The following ANO7 variants were observed in gnomAD, a reference collection of about 807,000 sequenced individuals.
ANO7 encodes the protein anoctamin-7.
In ANO7, 114 loss-of-function variants were observed where a neutral mutation model predicts 115.8. The ratio of observed to expected loss-of-function variants is 0.98; its 90% confidence interval spans 0.85 to 1.15. The LOEUF is 1.15. Among genes scored for constraint, ANO7 ranks in the 50% most tolerant of loss-of-function variants. The pLI is 0.00. For synonymous variants in ANO7, 550 were observed against 498.2 expected, an observed-to-expected ratio of 1.10 and a Z score of -1.38; for missense variants, 1,302 against 1,201.2, an observed-to-expected ratio of 1.08 and a Z score of -1.24.
Position 241,190,670 on chromosome 2 carries a change from C to G in ANO7, c.108+499C>G, listed in dbSNP as rs966030473. ...CTCCTGGGCCACACGTCTGCCCCAG[C>G]AGCCTGCGGGTGGACACGGGACCCC... On this transcript the variant is annotated intron_variant, in intron 2 of 24. Transcript: ENST00000674324. Among the ~76,000 whole-genome samples the G allele has an allele frequency of 1.8e-4, 27 of 152,334 alleles. 1 individual carries two copies. The highest frequency in any genetic ancestry group is 5.8e-4 in the African/African-American group (24 of 41,582).
chr2:241,191,175 C>T lies in ANO7; in HGVS notation c.109-19C>T, dbSNP rs770514472. 6.8e-6 allele frequency: 11 copies of T among 1,613,804 alleles called. No homozygotes were observed. The South Asian group carries it at 1.2e-4, about 18-fold the overall frequency. On this transcript the variant is annotated intron_variant, in intron 2 of 24. Coordinates refer to ENST00000674324, the MANE Select transcript of ANO7 (RefSeq NM_001370694.2). ...AGATGCTGATGCTGATATGCTTCTCCATCCTCCATGCCTTCCAGCCAGGTG... is the reference window on the plus strand; with the variant it reads ...AGATGCTGATGCTGATATGCTTCTCTATCCTCCATGCCTTCCAGCCAGGTG...
chr2:241,215,954 G>A, intron 18 of ANO7, 139 bp from the exon 19 acceptor site: 1 of 1,086,318 alleles, frequency 9.2e-7, no homozygotes, highest in South Asian at 1.5e-5. Flanking sequence ...CCACCCCTCA[G>A]CCCCAGACCC....
intron 18 of ANO7, among the ~76,000 whole-genome samples, chr2:241,215,846 C>G (rs1447123231): frequency 6.6e-6 from 1 of 152,150 alleles, no homozygotes; most frequent in Non-Finnish European, 1.5e-5. Flanking sequence ...AGGAACAATG[C>G]GGGGGGCTGG....
chr2:241,218,341 G>C lies in ANO7; in HGVS notation c.2281G>C (p.Ala761Pro), dbSNP rs746364805. 6.7e-7 allele frequency: 1 copy of C among 1,492,718 alleles called. No homozygotes were observed. The allele number at this position is 1,492,718 out of a possible 1,614,324, so 92.5% of individuals were successfully genotyped here. The change falls in exon 21 of 25, where the codon GCC (alanine) becomes CCC (proline). Residue 761 changes from alanine (A) to proline (P), a missense_variant. Coordinates refer to ENST00000674324, the MANE Select transcript of ANO7 (RefSeq NM_001370694.2). ...CTTCCTCAACTTCACGCTGGCGCGA[G>C]CCCCGTCCTCCTTCGCCGCCGCGCA... ...RGFLNFTLARAPSSFAAAHNR... is the reference protein window; with the variant it reads ...RGFLNFTLARPPSSFAAAHNR...
intron 4 of ANO7, among the ~76,000 whole-genome samples, chr2:241,196,510 C>T (rs1400206931): frequency 6.6e-6 from 1 of 152,270 alleles, no homozygotes; most frequent in East Asian, 1.9e-4. Context: ...GTCACCTGTC[C>T]TCTCCCTCTC....
At position 241,217,869 on chromosome 2, in the gene ANO7, C is replaced by G. The variant is rs1374993216; in HGVS notation, c.2156C>G (p.Thr719Arg). Residue 719 changes from threonine to arginine, a missense_variant, in exon 20 of 25, where the codon ACG becomes AGG. Transcript: ENST00000674324. ...GIWFHILAGL[T>R]HLAVISNAFL... ...TGGTTCCACATCCTGGCGGGCCTCA[C>G]GCACCTGGCGGTCATCAGCAACGTG... The G allele has an allele frequency of 2.5e-6, 4 of 1,595,432 alleles. No homozygotes were observed. Among genetic ancestry groups the G allele is most frequent in the East Asian group, 4.5e-5 (2 of 44,338 alleles).
intron 21 of ANO7, among the ~76,000 whole-genome samples, chr2:241,219,058 G>A (rs2068945991): frequency 6.6e-6 from 1 of 152,202 alleles, no homozygotes; most frequent in South Asian, 2.1e-4. Flanking sequence ...TATAAACTAG[G>A]GAAAAGGGGA....
intron 21 of ANO7, 21 bp from the exon 22 acceptor site, chr2:241,223,163 ACT>A: frequency 1.9e-6 from 3 of 1,609,512 alleles, no homozygotes; most frequent in Non-Finnish European, 2.6e-6. Flanking sequence ...GGCTGCGCGC[ACT>A]GAGTCCTGTG....
chr2:241,193,409 C>G (rs1156430485), intron 3 of ANO7, among the ~76,000 whole-genome samples: 2 of 152,044 alleles, frequency 1.3e-5, no homozygotes, highest in South Asian at 2.1e-4. Context: ...CTTATTTTCT[C>G]AAAATCCTCC....
At chr2:241,214,958 C>T in intron 18 of ANO7, 56 bp downstream of exon 18, 1 of 1,515,996 alleles carries the variant, frequency 6.6e-7, no homozygotes, top group African/African-American at 1.4e-5. Flanking sequence ...CCCCAGAGCA[C>T]CTGGCAGTAG....
In ANO7 at chr2:241,203,221, C is replaced by T; in HGVS notation, c.724-112C>T. 2.3e-6 allele frequency: 2 copies of T among 866,800 alleles called. No individual in the cohort carries two copies. The highest frequency in any genetic ancestry group is 3.3e-6 in the Non-Finnish European group (2 of 598,962). The allele number at this position is 866,800 out of a possible 1,614,324, so 53.7% of individuals were successfully genotyped here. ...TCTATTTTTTCTTCATGGAGCAATC[C>T]CAGACTCCCAGGCCTGTCTGCCCAT... On this transcript the variant is annotated intron_variant, in intron 8 of 24. Coordinates refer to ENST00000674324, the MANE Select transcript of ANO7 (RefSeq NM_001370694.2). This position sits in a 1 kb window ranked among gnomAD's most constrained non-coding sequence, Gnocchi z 4.8.
intron 18 of ANO7, 128 bp downstream of exon 18, chr2:241,215,030 G>A (rs1178390989): frequency 1.2e-6 from 1 of 852,714 alleles, no homozygotes; most frequent in Non-Finnish European, 1.8e-6. Context: ...GCCTGGGGAG[G>A]GGGAGGGGGA....
chr2:241,201,354 T>A lies in ANO7; in HGVS notation c.611T>A (p.Ile204Asn). ...TTCACAAGCACCAAGAGGCACCAAA[T>A]TGTGAGTGGGGGTTCCCTGCCGCGG... Reference protein sequence around the residue: ...TFFTSTKRHQILFEILAKTPY... With the variant: ...TFFTSTKRHQNLFEILAKTPY... Residue 204 changes from isoleucine to asparagine, a missense_variant and splice_region_variant, in exon 7 of 25, where the codon ATT becomes AAT. Physicochemically the swap from Ile to Asn is moderately radical, Grantham distance 149. Transcript: ENST00000674324. 1.9e-6 allele frequency: 3 copies of A among 1,611,476 alleles called. No homozygotes were observed. Among genetic ancestry groups the A allele is most frequent in the Non-Finnish European group, 2.5e-6 (3 of 1,179,016 alleles).
chr2:241,190,186 G>A lies in ANO7; in HGVS notation c.108+15G>A. ...ACGCCTCGGAGGTAACAGCACCCAG[G>A]AGACTGTGGTGCGACTTGAGAGGTC... On this transcript the variant is annotated intron_variant, in intron 2 of 24. Coordinates refer to ENST00000674324, the MANE Select transcript of ANO7 (RefSeq NM_001370694.2). 6.5e-7 allele frequency: 1 copy of A among 1,550,084 alleles called. No homozygotes were observed. The highest frequency in any genetic ancestry group is 1.2e-5 in the South Asian group (1 of 83,932).
chr2:241,190,977 TC>T (rs1273343787), intron 2 of ANO7, among the ~76,000 whole-genome samples: 2 of 152,134 alleles, frequency 1.3e-5, no homozygotes, highest in Non-Finnish European at 2.9e-5. Context: ...TGCCTGCCGC[TC>T]CCCGCGCCTG....
the ANO7 span, among the ~76,000 whole-genome samples, chr2:241,239,200 G>A: frequency 6.6e-6 from 1 of 152,298 alleles, no homozygotes; most frequent in Admixed American, 6.5e-5. This position sits in a 1 kb window ranked among gnomAD's most constrained non-coding sequence, Gnocchi z 4.6. Context: ...GACTTCCCAT[G>A]GATTCACGTG....
rs7590653 is a variant in ANO7 at position 241,223,944 on chromosome 2, G to T, written c.2572G>T (p.Glu858Ter). 1 of 1,609,254 alleles carries T rather than the reference G, an allele frequency of 6.2e-7. No homozygotes were observed. The highest frequency in any genetic ancestry group is 1.4e-5 in the African/African-American group (1 of 70,436). The change falls in exon 24 of 25, where the codon GAG becomes TAG. Residue 858 changes from glutamate (E) to a stop codon, truncating the protein, a stop_gained. Coordinates refer to ENST00000674324, the MANE Select transcript of ANO7 (RefSeq NM_001370694.2). LOFTEE classifies it low-confidence loss of function (END_TRUNC). ...GAACGGAACAAAGGATGAGCAGCCC[G>T]AGGGCTCAGAGGCAAGTCTGGGAGC... ...GTNGTKDEQPEGSELSSHWTP... is the reference protein window; with the variant it reads ...GTNGTKDEQP
intron 9 of ANO7, among the ~76,000 whole-genome samples, chr2:241,204,463 A>C (rs2068544732): frequency 6.6e-6 from 1 of 151,304 alleles, no homozygotes; most frequent in Non-Finnish European, 1.5e-5. Flanking sequence ...ACCCGGAATG[A>C]CTCGTGGTTT....
chr2:241,214,947 A>G, intron 18 of ANO7, 45 bp downstream of exon 18: 1 of 1,555,204 alleles, frequency 6.4e-7, no homozygotes, highest in Non-Finnish European at 8.8e-7. Flanking sequence ...GGACCGAGGG[A>G]CCCCAGAGCA....
Sources: allele counts gnomAD v4.1 joint callset (sites outside exome capture counted in the v4.1 genomes callset), GRCh38; gene constraint gnomAD v4.1.1; non-coding constraint Gnocchi (gnomAD v3.1); transcripts MANE v1.5; gene names NCBI Gene and HGNC (gene_info 2026-07-23, HGNC 2026-07-21).